The following VIT variants were observed in gnomAD, a reference collection of about 807,000 sequenced individuals.
VIT encodes the protein vitrin.
In VIT, 99 loss-of-function variants were observed where a neutral mutation model predicts 78.0. The ratio of observed to expected loss-of-function variants is 1.27; its 90% CI spans 1.08 to 1.50. VIT has a LOEUF of 1.50. Among genes scored for constraint, VIT ranks in the 40% most tolerant of loss-of-function variants. The pLI is 0.00. For missense variants in VIT, 1,126 were observed against 875.3 expected, an observed-to-expected ratio of 1.29 and a Z score of -3.61; for synonymous variants, 374 against 334.3, an observed-to-expected ratio of 1.12 and a Z score of -1.29.
At chr2:36,746,447 G>A (rs984410273) in intron 4 of VIT, among the ~76,000 whole-genome samples, 1 of 151,862 alleles carries the variant, frequency 6.6e-6, no homozygotes, top group African/African-American at 2.4e-5. Context: ...CTTTTTTTTG[G>A]TTAGTAGGTT....
intron 6 of VIT, among the ~76,000 whole-genome samples, chr2:36,765,057 C>T (rs185516234): frequency 3.9e-5 from 6 of 152,140 alleles, no homozygotes; most frequent in African/African-American, 1.4e-4. Context: ...ATGTCCTAAT[C>T]CCTGGAACCA....
intron 3 of VIT, among the ~76,000 whole-genome samples, chr2:36,733,349 C>A (rs369945980): frequency 2.9e-4 from 44 of 151,926 alleles, no homozygotes; most frequent in East Asian, 1.7e-3. Flanking sequence ...TCTCTCCCCC[C>A]CTCTCTCTCT....
intron 12 of VIT, among the ~76,000 whole-genome samples, chr2:36,794,649 A>C (rs1361067386): frequency 1.3e-5 from 2 of 152,218 alleles, no homozygotes; most frequent in South Asian, 4.1e-4. Flanking sequence ...TGAAAAATTC[A>C]TCTAAGTGGT....
intron 5 of VIT, among the ~76,000 whole-genome samples, chr2:36,757,752 T>G (rs956583760): frequency 6.6e-6 from 1 of 152,216 alleles, no homozygotes; most frequent in Non-Finnish European, 1.5e-5. Flanking sequence ...TTCCAAAACA[T>G]TTTAACATTT....
At position 36,767,392 on chromosome 2, in the gene VIT, C is replaced by T. The variant is rs1572504079; in HGVS notation, c.679+107C>T. On this transcript the variant is annotated intron_variant, in intron 7 of 15. Transcript: ENST00000379242. ...TACTGGGCTGGGTGAATGGGGAGCACTGGAGAACTGGGCCGGGGGTATGTT... is the reference window on the plus strand; with the variant it reads ...TACTGGGCTGGGTGAATGGGGAGCATTGGAGAACTGGGCCGGGGGTATGTT... The T allele has an allele frequency of 2.6e-6, 3 of 1,165,202 alleles. No individual in the cohort carries two copies. In the South Asian group the frequency reaches 7.1e-5, roughly 28 times the overall value. 72.2% of individuals were successfully genotyped at this position (1,165,202 alleles called of 1,614,324 possible). A position where few individuals can be genotyped will look rare whatever the true frequency, so the allele number is the denominator to read the frequency against.
chr2:36,773,110 G>A (rs776640002), intron 7 of VIT, among the ~76,000 whole-genome samples: 2 of 152,136 alleles, frequency 1.3e-5, no homozygotes, highest in Non-Finnish European at 2.9e-5. Flanking sequence ...CCACGTTAAC[G>A]CAGCTTAAGC....
At chr2:36,795,138 G>A (rs1665778764) in intron 12 of VIT, among the ~76,000 whole-genome samples, 2 of 152,100 alleles carry the variant, frequency 1.3e-5, no homozygotes, top group Non-Finnish European at 2.9e-5. Flanking sequence ...TTCTCAAGTA[G>A]GTTACAGTCA....
chr2:36,771,913 G>A lies in VIT; in HGVS notation c.680-1878G>A, dbSNP rs549195910. Among the ~76,000 whole-genome samples the A allele has an allele frequency of 1.2e-4, 18 of 152,282 alleles. No individual in the cohort carries two copies. The South Asian group carries it at 3.7e-3, about 32-fold the overall frequency. ...AAAGAAGCAGGCTACAAAACAGCAT[G>A]GGAACCAATCTCATTTTTGCAACGT... On this transcript the variant is annotated intron_variant, in intron 7 of 15. Transcript: ENST00000379242.
intron 2 of VIT, among the ~76,000 whole-genome samples, chr2:36,726,956 T>G (rs1666894562): frequency 6.6e-6 from 1 of 152,002 alleles, no homozygotes; most frequent in Non-Finnish European, 1.5e-5. Context: ...CTTATGTGCT[T>G]GAAAAGGAAC....
In VIT at chr2:36,781,725, A is replaced by G. The variant is rs768766711; in HGVS notation, c.803-2A>G. 1.9e-5 allele frequency: 30 copies of G among 1,614,028 alleles called. No homozygotes were observed. Among genetic ancestry groups the G allele is most frequent in the Non-Finnish European group, 2.2e-5 (26 of 1,180,026 alleles). ...TTGTTTCTTTTCAATTTTGAAAATCAGGAGAGATGGACTCATGGAAACCTG... is the reference window on the plus strand; with the variant it reads ...TTGTTTCTTTTCAATTTTGAAAATCGGGAGAGATGGACTCATGGAAACCTG... On this transcript the variant is annotated splice_acceptor_variant, in intron 9 of 15. Transcript: ENST00000379242. LOFTEE classifies it high-confidence loss of function.
intron 4 of VIT, 50 bp downstream of exon 4, chr2:36,743,306 C>T (rs1218189655): frequency 6.8e-6 from 10 of 1,480,620 alleles, no homozygotes; most frequent in Non-Finnish European, 8.2e-6. Context: ...AGGGTGTTGG[C>T]AGGGAGCCCC....
At chr2:36,767,837 C>T (rs1187246687) in intron 7 of VIT, among the ~76,000 whole-genome samples, 4 of 151,786 alleles carry the variant, frequency 2.6e-5, no homozygotes, top group African/African-American at 9.7e-5. Context: ...CATCTGATCT[C>T]ATTTCTGCAC....
intron 9 of VIT, among the ~76,000 whole-genome samples, chr2:36,779,837 A>G (rs1275483186): frequency 6.6e-6 from 1 of 152,212 alleles, no homozygotes. Context: ...TCTCAGAGTG[A>G]TTTTATACAC....
chr2:36,718,831 A>C (rs1666321191), intron 2 of VIT, among the ~76,000 whole-genome samples: 1 of 152,018 alleles, frequency 6.6e-6, no homozygotes, highest in Non-Finnish European at 1.5e-5. Flanking sequence ...TTTAGCAAAC[A>C]AAAAAATGGG....
intron 2 of VIT, among the ~76,000 whole-genome samples, chr2:36,724,490 A>T (rs536565466): frequency 6.6e-6 from 1 of 152,242 alleles, no homozygotes; most frequent in South Asian, 2.1e-4. Context: ...CTCTTCCCCA[A>T]CTTCAACATG....
chr2:36,797,099 AT>A (rs34401995), intron 12 of VIT, among the ~76,000 whole-genome samples: 73,378 of 142,392 alleles, frequency 0.52, 21,670 homozygotes, highest in East Asian at 0.77. Flanking sequence ...GTTTCAACCA[AT>A]TTTTTTTTTT....
chr2:36,778,450 T>C (rs1448167809), intron 9 of VIT, among the ~76,000 whole-genome samples: 3 of 152,254 alleles, frequency 2.0e-5, no homozygotes, highest in African/African-American at 7.2e-5. Flanking sequence ...GCTGGTTGGC[T>C]TCTTGGTACC....
intron 3 of VIT, among the ~76,000 whole-genome samples, chr2:36,740,966 A>AC (rs1208401909): frequency 3.3e-4 from 50 of 152,218 alleles, no homozygotes; most frequent in African/African-American, 1.2e-3. Context: ...AGTTGGTCTG[A>AC]CAGGACATTC....
At position 36,814,331 on chromosome 2, in the gene VIT, T is replaced by A. The variant is rs1667412771; in HGVS notation, c.2052T>A (p.Cys684Ter). The A allele has an allele frequency of 8.7e-6, 14 of 1,614,068 alleles. No homozygotes were observed. Among genetic ancestry groups the A allele is most frequent in the Admixed American group, 1.7e-5 (1 of 60,002 alleles). Residue 684 changes from cysteine to a stop codon, truncating the protein, a stop_gained, in exon 16 of 16, where the codon TGT becomes TGA. Coordinates refer to ENST00000379242, the MANE Select transcript of VIT (RefSeq NM_053276.4). LOFTEE classifies it high-confidence loss of function. ...QYVPRIIQNI[C>*]TEFNSQPRN is the part of the protein sequence containing the mutation. The stretch of plus-strand genomic sequence containing the variant: ...TCCCCAGGATCATCCAGAACATTTG[T>A]ACAGAGTTCAACTCACAGCCTCGGA...
Sources: gnomAD v4.1 joint callset for allele counts (sites outside exome capture counted in the v4.1 genomes callset) on GRCh38, gnomAD v4.1.1 for gene constraint, MANE v1.5 for transcripts, NCBI Gene and HGNC (gene_info 2026-07-23, HGNC 2026-07-21) for gene names.